PDSS2: variants seen among roughly 807,000 people sequenced by gnomAD.
The protein encoded by PDSS2 is all trans-polyprenyl-diphosphate synthase PDSS2.
A neutral mutation model predicts 44.5 loss-of-function variants in PDSS2; 31 were observed. That is an observed-to-expected ratio of 0.70 (90% CI 0.52 to 0.94). PDSS2 has a LOEUF of 0.94. Ranked by LOEUF, PDSS2 falls within the 40% of genes least tolerant of loss-of-function variation. PDSS2 has a pLI of 0.00. For missense variants in PDSS2, 452 were observed against 482.2 expected, an observed-to-expected ratio of 0.94 and a Z score of 0.59; for synonymous variants, 157 against 180.3, an observed-to-expected ratio of 0.87 and a Z score of 1.03.
chr6:107,350,964 T>C (rs1192189376), intron 1 of PDSS2, among the ~76,000 whole-genome samples: 1 of 151,716 alleles, frequency 6.6e-6, no homozygotes, highest in African/African-American at 2.4e-5. Context: ...TTTAAAAAGA[T>C]GATGCAAAAT....
intron 6 of PDSS2, among the ~76,000 whole-genome samples, chr6:107,196,074 A>G (rs1167305575): frequency 1.3e-5 from 2 of 152,212 alleles, no homozygotes; most frequent in Non-Finnish European, 2.9e-5. Context: ...GAAGAGTTTG[A>G]ACTTAGTACT....
chr6:107,359,177 A>AT (rs1463097280), intron 1 of PDSS2, among the ~76,000 whole-genome samples: 66 of 151,200 alleles, frequency 4.4e-4, no homozygotes, highest in Admixed American at 2.6e-4. Context: ...CGCCCAGCTG[A>AT]TTTTTTGTAT....
At chr6:107,433,969 A>C (rs1048246152) in intron 1 of PDSS2, among the ~76,000 whole-genome samples, 1 of 152,206 alleles carries the variant, frequency 6.6e-6, no homozygotes. Context: ...GCAAAAGAAG[A>C]CATTCAAACG....
At chr6:107,198,489 ATAAAAGT>A (rs1423064813) in intron 6 of PDSS2, among the ~76,000 whole-genome samples, 1 of 152,226 alleles carries the variant, frequency 6.6e-6, no homozygotes, top group Non-Finnish European at 1.5e-5. Flanking sequence ...TAGCTTGTAC[ATAAAAGT>A]ATCATTTATT....
intron 1 of PDSS2, among the ~76,000 whole-genome samples, chr6:107,453,005 A>C (rs1781925264): frequency 6.6e-6 from 1 of 151,488 alleles, no homozygotes. Flanking sequence ...GTTTTCTTTT[A>C]TGAATTTTTT....
At chr6:107,272,710 G>C (rs1025039258) in intron 3 of PDSS2, among the ~76,000 whole-genome samples, 2 of 152,068 alleles carry the variant, frequency 1.3e-5, no homozygotes, top group Non-Finnish European at 2.9e-5. Context: ...GTGGCCAGGC[G>C]TGGTGGCTCA....
Position 107,334,286 on chromosome 6 carries a change from C to A in PDSS2, c.343G>T (p.Val115Leu). Residue 115 changes from valine (V) to leucine (L), a missense_variant, in exon 2 of 8, where the codon GTG becomes TTG. By Grantham distance (32) the Val-to-Leu change is conservative. Coordinates refer to ENST00000369037, the MANE Select transcript of PDSS2 (RefSeq NM_020381.4). The part of the protein sequence containing the change: ...SWNSLQLRGL[V>L]VLLISKAAGP... ...GCTGCTTTAGAGATAAGGAGCACCA[C>A]CAAGCCCCTCAACTGGAGGCTATTC... 2 of 1,613,522 alleles carry A rather than the reference C, an allele frequency of 1.2e-6. No homozygotes were observed. The highest frequency in any genetic ancestry group is 8.5e-7 in the Non-Finnish European group (1 of 1,179,594).
chr6:107,192,315 G>A, intron 7 of PDSS2: 1 of 494,064 alleles, frequency 2.0e-6, no homozygotes, highest in South Asian at 1.5e-5. Context: ...CACTCCTCAT[G>A]GGAGGGAGAG....
At chr6:107,347,161 G>C (rs1043570632) in intron 1 of PDSS2, among the ~76,000 whole-genome samples, 1 of 152,034 alleles carries the variant, frequency 6.6e-6, no homozygotes, top group African/African-American at 2.4e-5. Flanking sequence ...CATGGGCCCA[G>C]CTTGCAGCAT....
chr6:107,423,899 A>G (rs1409208273), intron 1 of PDSS2, among the ~76,000 whole-genome samples: 1 of 152,148 alleles, frequency 6.6e-6, no homozygotes, highest in Non-Finnish European at 1.5e-5. Flanking sequence ...CATTTCCAGC[A>G]GCTTCTTAAA....
chr6:107,393,347 GT>G (rs1192623542), intron 1 of PDSS2, among the ~76,000 whole-genome samples: 1 of 152,018 alleles, frequency 6.6e-6, no homozygotes, highest in Non-Finnish European at 1.5e-5. Flanking sequence ...ATTTAACTCT[GT>G]TTTCAGTCAG....
chr6:107,403,295 T>C (rs1226379653), intron 1 of PDSS2, among the ~76,000 whole-genome samples: 1 of 152,190 alleles, frequency 6.6e-6, no homozygotes, highest in Non-Finnish European at 1.5e-5. Flanking sequence ...GTCACGCTGA[T>C]ATAAGAGGTA....
At chr6:107,198,411 G>A (rs781283023) in intron 6 of PDSS2, among the ~76,000 whole-genome samples, 2 of 152,026 alleles carry the variant, frequency 1.3e-5, no homozygotes, top group Non-Finnish European at 2.9e-5. Flanking sequence ...TGGCTCACCC[G>A]AATATCCTTT....
intron 6 of PDSS2, among the ~76,000 whole-genome samples, chr6:107,195,023 A>G (rs1489015349): frequency 1.3e-5 from 2 of 152,020 alleles, no homozygotes; most frequent in Non-Finnish European, 2.9e-5. Context: ...TGTTTTGCAG[A>G]CTTCAGAATA....
chr6:107,231,962 CA>C (rs5878909), intron 4 of PDSS2, among the ~76,000 whole-genome samples: 99,042 of 137,748 alleles, frequency 0.72, 35,983 homozygotes, highest in East Asian at 0.97. Context: ...AACTCTGTCT[CA>C]AAAAAAAAAA....
At chr6:107,323,502 T>C (rs1364592341) in intron 2 of PDSS2, among the ~76,000 whole-genome samples, 1 of 152,124 alleles carries the variant, frequency 6.6e-6, no homozygotes, top group Non-Finnish European at 1.5e-5. Context: ...AGTGATTAAG[T>C]AACTTACTTA....
intron 7 of PDSS2, among the ~76,000 whole-genome samples, chr6:107,161,203 G>A (rs1035089829): frequency 6.6e-6 from 1 of 151,626 alleles, no homozygotes; most frequent in Admixed American, 6.6e-5. Flanking sequence ...CTTTTTGGCC[G>A]GGCGCGGTGG....
intron 1 of PDSS2, among the ~76,000 whole-genome samples, chr6:107,376,988 C>T (rs1779304268): frequency 6.6e-6 from 1 of 151,610 alleles, no homozygotes; most frequent in African/African-American, 2.4e-5. Context: ...GCAAGGACTT[C>T]ATGTCTAAAA....
intron 1 of PDSS2, among the ~76,000 whole-genome samples, chr6:107,419,140 C>G (rs1451096175): frequency 6.6e-6 from 1 of 152,082 alleles, no homozygotes; most frequent in Non-Finnish European, 1.5e-5. Context: ...AACCCACATA[C>G]TAATGTGCAG....
Sources: gnomAD v4.1 joint callset for allele counts (sites outside exome capture counted in the v4.1 genomes callset) on GRCh38, gnomAD v4.1.1 for gene constraint, MANE v1.5 for transcripts, NCBI Gene and HGNC (gene_info 2026-07-23, HGNC 2026-07-21) for gene names.